Variants in TNRC6C observed in about 807,000 individuals in gnomAD.
TNRC6C encodes the protein trinucleotide repeat containing adaptor 6C, also known as trinucleotide repeat-containing gene 6C protein.
TNRC6C carries 20 observed loss-of-function variants against 153.7 expected under a neutral mutation model. The ratio of observed to expected loss-of-function variants is 0.13; its 90% CI spans 0.09 to 0.19. The LOEUF is 0.19. Among genes scored for constraint, TNRC6C ranks in the 10% least tolerant of loss-of-function variants. TNRC6C has a pLI of 1.00. For missense variants in TNRC6C, 1,987 were observed against 2,172.0 expected (o/e 0.91, Z 1.69); for synonymous variants, 811 against 841.4 (o/e 0.96, Z 0.63).
At chr17:78,091,972 T>G (rs1237340898) in intron 14 of TNRC6C, among the ~76,000 whole-genome samples, 4 of 152,182 alleles carry the variant, frequency 2.6e-5, no homozygotes. Context: ...ATATACAGTA[T>G]GTATGGGAAC....
At chr17:78,000,189 G>T (rs1170281649), upstream of TNRC6C, among the ~76,000 whole-genome samples, 1 of 152,100 alleles carries the variant, frequency 6.6e-6, no homozygotes, top group Non-Finnish European at 1.5e-5. Flanking sequence ...CTATACCAAT[G>T]ACTTTATTTC....
chr17:78,002,111 A>G (rs1354542347), upstream of TNRC6C, among the ~76,000 whole-genome samples: 1 of 152,076 alleles, frequency 6.6e-6, no homozygotes, highest in Admixed American at 6.5e-5. Flanking sequence ...ATAGGTGAAA[A>G]CACTTTTCAA....
At chr17:77,981,261 A>G (rs1477462569) in intron 1 of TNRC6C, among the ~76,000 whole-genome samples, 1 of 152,104 alleles carries the variant, frequency 6.6e-6, no homozygotes. Context: ...TTTTTATGAG[A>G]ACTTCATTAT....
At chr17:77,976,633 T>C (rs139535916) in intron 1 of TNRC6C, among the ~76,000 whole-genome samples, 67 of 152,178 alleles carry the variant, frequency 4.4e-4, no homozygotes, top group African/African-American at 1.5e-3. Flanking sequence ...AGTCACTTCA[T>C]ATATAAAACT....
intron 1 of TNRC6C, among the ~76,000 whole-genome samples, chr17:77,960,134 T>A (rs1030408303): frequency 7.9e-5 from 12 of 152,176 alleles, no homozygotes; most frequent in Non-Finnish European, 1.6e-4. Context: ...TATTGGTGAT[T>A]CTGCACGTAA....
chr17:78,032,579 G>A (rs556969369), intron 2 of TNRC6C, among the ~76,000 whole-genome samples: 9 of 152,240 alleles, frequency 5.9e-5, no homozygotes, highest in African/African-American at 1.4e-4. Flanking sequence ...TCAATTTTTC[G>A]GTTTCAAGTA....
chr17:78,105,099 G>A (rs993100170), exon 20 of TNRC6C: 1 of 395,700 alleles, frequency 2.5e-6, no homozygotes, highest in Non-Finnish European at 4.4e-6. Context: ...TTTGTATAGT[G>A]TGTTGTCATT....
chr17:78,086,349 A>AAC (rs2073287337), intron 11 of TNRC6C, among the ~76,000 whole-genome samples, 154 bp from the exon 14 acceptor site: 2 of 149,310 alleles, frequency 1.3e-5, no homozygotes, highest in East Asian at 3.9e-4. Flanking sequence ...AAAAAAAAAA[A>AAC]AAAAAAAAAA....
upstream of TNRC6C, among the ~76,000 whole-genome samples, chr17:78,002,819 ACTACAATAAAT>A (rs2071433621): frequency 6.6e-6 from 1 of 152,238 alleles, no homozygotes; most frequent in African/African-American, 2.4e-5. Flanking sequence ...CCTGGTGCTT[ACTACAATAAAT>A]AGCACATGTT....
chr17:77,977,393 A>G (rs1426089727), intron 1 of TNRC6C, among the ~76,000 whole-genome samples: 1 of 152,188 alleles, frequency 6.6e-6, no homozygotes, highest in African/African-American at 2.4e-5. Flanking sequence ...TTCCACTAGT[A>G]TCTTTGCTAG....
At position 78,104,411 on chromosome 17, in the gene TNRC6C, C is replaced by G; in HGVS notation, c.4713-74C>G. 7.1e-7 allele frequency: 1 copy of G among 1,417,222 alleles called. No individual in the cohort carries two copies. Among genetic ancestry groups the G allele is most frequent in the Middle Eastern group, 1.9e-4 (1 of 5,146 alleles). 87.8% of individuals were successfully genotyped at this position (1,417,222 alleles called of 1,614,324 possible). On this transcript the variant is annotated intron_variant, in intron 19 of 19. Transcript: ENST00000301624. The surrounding 1 kb of genome is among the most constrained non-coding windows in gnomAD (Gnocchi z 6.2). ...CTTCCATGTGGGGCCGTTCCCAATA[C>G]AGAGAAAGCCAGTGCCACGAACTCA...
intron 9 of TNRC6C, chr17:78,077,726 C>G (rs75086730): frequency 5.1e-6 from 1 of 196,268 alleles, no homozygotes; most frequent in East Asian, 1.6e-4. Context: ...TGCGAGAAAG[C>G]ACCACATTCT....
chr17:78,006,572 C>T (rs1374918787), intron 1 of TNRC6C, among the ~76,000 whole-genome samples: 2 of 140,964 alleles, frequency 1.4e-5, no homozygotes, highest in African/African-American at 2.7e-5. Context: ...CTTCTTCCTT[C>T]TTCCTTCTTC....
intron 16 of TNRC6C, chr17:78,097,788 G>A (rs1374550488): frequency 5.8e-6 from 9 of 1,550,956 alleles, no homozygotes; most frequent in African/African-American, 1.4e-5. Context: ...TGCCTTCTTC[G>A]AGTGCCTGGC....
intron 3 of TNRC6C, among the ~76,000 whole-genome samples, chr17:78,052,276 A>G: frequency 6.6e-6 from 1 of 152,154 alleles, no homozygotes. Flanking sequence ...GCATTAGCCC[A>G]TGTAGAGGAC....
chr17:78,009,947 G>A (rs1014064004), intron 1 of TNRC6C, among the ~76,000 whole-genome samples: 1 of 151,930 alleles, frequency 6.6e-6, no homozygotes, highest in African/African-American at 2.4e-5. Flanking sequence ...GTAGTGGCAC[G>A]AACACAGCTC....
rs970289713 is a variant in TNRC6C at position 78,048,663 on chromosome 17, C to G, written c.-218-182C>G. 2.0e-5 allele frequency among the ~76,000 whole-genome samples: 3 copies of G among 152,172 alleles called. No homozygotes were observed. The South Asian group carries it at 6.2e-4, about 32-fold the overall frequency. The stretch of plus-strand genomic sequence containing the variant: ...ATTGATATAATTTTAAAAACATTAA[C>G]GCTCTTTAAAATGGGATCTATTAAG... On this transcript the variant is annotated intron_variant, in intron 2 of 19. Coordinates refer to ENST00000301624, the Ensembl canonical transcript of TNRC6C.
intron 1 of TNRC6C, chr17:78,008,587 C>G (rs573279163): frequency 7.2e-5 from 11 of 152,304 alleles, no homozygotes; most frequent in African/African-American, 2.6e-4. Flanking sequence ...CTCTATGCCT[C>G]TAAGTCTGCA....
chr17:77,991,439 A>G (rs1395838906), intron 1 of TNRC6C, among the ~76,000 whole-genome samples: 1 of 152,236 alleles, frequency 6.6e-6, no homozygotes, highest in African/African-American at 2.4e-5. Context: ...GCACGTTTAG[A>G]GACATTTTCC....
Sources: allele counts gnomAD v4.1 joint callset (sites outside exome capture counted in the v4.1 genomes callset), GRCh38; gene constraint gnomAD v4.1.1; non-coding constraint Gnocchi (gnomAD v3.1); transcripts MANE v1.5; gene names NCBI Gene and HGNC (gene_info 2026-07-23, HGNC 2026-07-21).